The following NR3C2 variants were observed in gnomAD, a reference collection of about 807,000 sequenced individuals.
NR3C2 encodes the protein mineralocorticoid receptor.
NR3C2 carries 15 observed loss-of-function variants against 86.4 expected under a neutral mutation model. The ratio of observed to expected loss-of-function variants is 0.17; its 90% CI spans 0.12 to 0.27. The LOEUF is 0.27. NR3C2 is among the 10% of genes least tolerant of loss of function. The pLI, the probability that NR3C2 is intolerant of heterozygous loss-of-function variation, is 1.00. For missense variants in NR3C2, 960 were observed against 1,195.6 expected, an observed-to-expected ratio of 0.80 and a Z score of 2.91; for synonymous variants, 458 against 450.5, an observed-to-expected ratio of 1.02 and a Z score of -0.21.
At chr4:148,340,011 A>G (rs1744676060) in intron 2 of NR3C2, among the ~76,000 whole-genome samples, 1 of 152,196 alleles carries the variant, frequency 6.6e-6, no homozygotes, top group African/African-American at 2.4e-5. Flanking sequence ...AAAGATCTCT[A>G]TAAGAAAAAC....
At chr4:148,315,625 A>G (rs144990978) in intron 2 of NR3C2, among the ~76,000 whole-genome samples, 4 of 152,340 alleles carry the variant, frequency 2.6e-5, no homozygotes, top group African/African-American at 7.2e-5. Context: ...AAGAAACAGA[A>G]GTATTTATGA....
intron 2 of NR3C2, among the ~76,000 whole-genome samples, chr4:148,379,040 A>G (rs925700425): frequency 3.3e-5 from 5 of 152,208 alleles, no homozygotes; most frequent in African/African-American, 1.2e-4. Context: ...GCAAGTTACA[A>G]AAGAGCATAC....
chr4:148,197,232 C>G (rs1029615676), intron 3 of NR3C2, among the ~76,000 whole-genome samples: 1 of 152,206 alleles, frequency 6.6e-6, no homozygotes, highest in African/African-American at 2.4e-5. Flanking sequence ...TTGAGAGAAG[C>G]ACACTCTACT....
At position 148,155,104 on chromosome 4, in the gene NR3C2, T is replaced by C. The variant is rs567314124; in HGVS notation, c.2015-203A>G. On this transcript the variant is annotated intron_variant, in intron 4 of 8. Coordinates refer to ENST00000358102, the MANE Select transcript of NR3C2 (RefSeq NM_000901.5). ...TTAAGAGAACAAACTCCTTCCTTCT[T>C]TCATTCATTTTTACAAGTCTTCACT... 8.5e-5 allele frequency among the ~76,000 whole-genome samples: 13 copies of C among 152,266 alleles called. No homozygotes were observed. In the South Asian group the frequency reaches 2.7e-3, roughly 32 times the overall value.
chr4:148,131,728 T>C (rs1461222178), intron 6 of NR3C2, among the ~76,000 whole-genome samples: 1 of 152,240 alleles, frequency 6.6e-6, no homozygotes, highest in Non-Finnish European at 1.5e-5. Context: ...TAATGTCCCA[T>C]TGGTCTCCAC....
intron 2 of NR3C2, among the ~76,000 whole-genome samples, chr4:148,413,183 G>A (rs1044453974): frequency 2.0e-5 from 3 of 152,058 alleles, no homozygotes; most frequent in African/African-American, 2.4e-5. Context: ...CTCACTCTTC[G>A]TAAGTCACAG....
chr4:148,386,443 T>G (rs1207531809), intron 2 of NR3C2, among the ~76,000 whole-genome samples: 1 of 152,196 alleles, frequency 6.6e-6, no homozygotes, highest in African/African-American at 2.4e-5. Flanking sequence ...AACACTATGA[T>G]TAACCAACTT....
chr4:148,299,503 C>G (rs1161199343), intron 2 of NR3C2, among the ~76,000 whole-genome samples: 1 of 152,182 alleles, frequency 6.6e-6, no homozygotes, highest in African/African-American at 2.4e-5. Context: ...GATGGGCAAG[C>G]AGCGGCTCCC....
At chr4:148,155,838 A>G (rs1734355664) in intron 4 of NR3C2, among the ~76,000 whole-genome samples, 1 of 152,216 alleles carries the variant, frequency 6.6e-6, no homozygotes, top group Non-Finnish European at 1.5e-5. Context: ...AGCTGGAGGA[A>G]TCACACTACC....
At chr4:148,299,511 C>T (rs112031659) in intron 2 of NR3C2, among the ~76,000 whole-genome samples, 2,141 of 152,294 alleles carry the variant, frequency 0.014, 51 homozygotes, top group African/African-American at 0.049. Flanking sequence ...AGCAGCGGCT[C>T]CCGGACCCCT....
chr4:148,356,537 G>A (rs61761536), intron 2 of NR3C2, among the ~76,000 whole-genome samples: 49 of 152,278 alleles, frequency 3.2e-4, no homozygotes, highest in African/African-American at 1.1e-3. Flanking sequence ...ACATGTAAAC[G>A]TATCGGGAGC....
intron 7 of NR3C2, among the ~76,000 whole-genome samples, chr4:148,116,178 A>AT (rs1225838279): frequency 5.3e-5 from 8 of 152,374 alleles, no homozygotes; most frequent in African/African-American, 1.9e-4. Flanking sequence ...TTTCACTATC[A>AT]TATTTCAATA....
intron 2 of NR3C2, among the ~76,000 whole-genome samples, chr4:148,419,362 C>A (rs916375493): frequency 6.6e-6 from 1 of 152,196 alleles, no homozygotes. Flanking sequence ...CACGAATCTT[C>A]TGAAGCTATA....
chr4:148,159,269 T>C (rs1734548767), intron 4 of NR3C2, among the ~76,000 whole-genome samples: 1 of 152,214 alleles, frequency 6.6e-6, no homozygotes, highest in African/African-American at 2.4e-5. Flanking sequence ...CTATTACATA[T>C]ATAAAGTATT....
intron 1 of NR3C2, among the ~76,000 whole-genome samples, chr4:148,440,948 C>T (rs995422535): frequency 6.6e-6 from 1 of 152,182 alleles, no homozygotes; most frequent in Admixed American, 6.5e-5. Context: ...ACTTTAAAGA[C>T]TAAAGCTTAA....
At chr4:148,301,944 T>C (rs1029157426) in intron 2 of NR3C2, among the ~76,000 whole-genome samples, 2 of 152,346 alleles carry the variant, frequency 1.3e-5, no homozygotes, top group African/African-American at 4.8e-5. Context: ...CAAAATTGTA[T>C]GGTATTTCTA....
chr4:148,206,203 C>A (rs1485188351), intron 3 of NR3C2, among the ~76,000 whole-genome samples: 2 of 152,130 alleles, frequency 1.3e-5, no homozygotes, highest in Non-Finnish European at 1.5e-5. Context: ...TCCAATTAAT[C>A]ATCCTTGTCT....
At chr4:148,358,006 C>T (rs555977555) in intron 2 of NR3C2, among the ~76,000 whole-genome samples, 27 of 152,256 alleles carry the variant, frequency 1.8e-4, no homozygotes, top group South Asian at 1.0e-3. Flanking sequence ...GTGTTCCTAA[C>T]GCAAGGTAAA....
chr4:148,201,876 G>A (rs28377573), intron 3 of NR3C2, among the ~76,000 whole-genome samples: 3,873 of 152,144 alleles, frequency 0.025, 168 homozygotes, highest in African/African-American at 0.089. Context: ...ATGGCTGATC[G>A]TCAGGGTAGT....
Sources: gnomAD v4.1 joint callset for allele counts (sites outside exome capture counted in the v4.1 genomes callset) on GRCh38, gnomAD v4.1.1 for gene constraint, MANE v1.5 for transcripts, NCBI Gene and HGNC (gene_info 2026-07-23, HGNC 2026-07-21) for gene names.